Variants in EYS observed in about 807,000 individuals in gnomAD.
The protein encoded by EYS is EGF-like photoreceptor maintenance factor.
EYS carries 250 observed loss-of-function variants against 282.1 expected under a neutral mutation model. The ratio of observed to expected loss-of-function variants is 0.89; its 90% confidence interval spans 0.80 to 0.98. The LOEUF is 0.98. Among genes scored for constraint, EYS ranks in the 50% least tolerant of loss-of-function variants. The pLI is 0.00. For missense variants in EYS, 4,016 were observed against 3,709.0 expected, an observed-to-expected ratio of 1.08 and a Z score of -2.15; for synonymous variants, 1,355 against 1,282.9, an observed-to-expected ratio of 1.06 and a Z score of -1.20.
At chr6:63,813,218 G>A (rs569220437) in intron 36 of EYS, among the ~76,000 whole-genome samples, 64 of 152,200 alleles carry the variant, frequency 4.2e-4, no homozygotes, top group Admixed American at 1.8e-3. Flanking sequence ...GAGCTCGAGC[G>A]ATCTGCCCAC....
intron 31 of EYS, among the ~76,000 whole-genome samples, chr6:64,181,568 A>C (rs1460523097): frequency 6.6e-6 from 1 of 152,122 alleles, no homozygotes; most frequent in Non-Finnish European, 1.5e-5. Flanking sequence ...ATGCAAATGA[A>C]TCACCTTTGA....
chr6:63,725,530 TCTC>T (rs1396518665), intron 42 of EYS, among the ~76,000 whole-genome samples: 1 of 152,140 alleles, frequency 6.6e-6, no homozygotes, highest in Non-Finnish European at 1.5e-5. Context: ...TGTATGTGGT[TCTC>T]CTATTTGACA....
At chr6:64,510,376 ATTGT>A (rs1777346850) in intron 26 of EYS, among the ~76,000 whole-genome samples, 1 of 152,036 alleles carries the variant, frequency 6.6e-6, no homozygotes, top group Admixed American at 6.6e-5. Context: ...ACTATCGCAC[ATTGT>A]TTTTTTAATG....
chr6:63,751,570 C>G (rs561517851), intron 41 of EYS, among the ~76,000 whole-genome samples: 1 of 152,222 alleles, frequency 6.6e-6, no homozygotes, highest in African/African-American at 2.4e-5. Context: ...TGAAGTGTTA[C>G]GACTTTACCT....
At chr6:63,733,221 G>T (rs932467399) in intron 41 of EYS, among the ~76,000 whole-genome samples, 6 of 152,142 alleles carry the variant, frequency 3.9e-5, no homozygotes, top group African/African-American at 7.2e-5. Flanking sequence ...GACTGGGAAG[G>T]TTCTGAGACT....
intron 35 of EYS, among the ~76,000 whole-genome samples, chr6:63,965,384 TA>T (rs1766258948): frequency 6.6e-6 from 1 of 152,204 alleles, no homozygotes; most frequent in South Asian, 2.1e-4. Context: ...TTTCTCACAC[TA>T]ATAGGTAACA....
At chr6:63,799,710 A>G (rs1770737553) in intron 37 of EYS, among the ~76,000 whole-genome samples, 1 of 152,226 alleles carries the variant, frequency 6.6e-6, no homozygotes, top group African/African-American at 2.4e-5. Context: ...TGGTACCTTC[A>G]TATAATTCAA....
chr6:65,279,797 G>T (rs1768165110), intron 12 of EYS, among the ~76,000 whole-genome samples: 1 of 151,996 alleles, frequency 6.6e-6, no homozygotes, highest in African/African-American at 2.4e-5. Flanking sequence ...GTGACATCTT[G>T]ATTGTTTACA....
chr6:64,764,926 A>G (rs531823419), intron 22 of EYS, among the ~76,000 whole-genome samples: 1 of 152,244 alleles, frequency 6.6e-6, no homozygotes, highest in South Asian at 2.1e-4. Context: ...TAATAGAGAT[A>G]TGGTATCTCC....
chr6:64,390,699 C>A (rs1436578909), intron 28 of EYS, among the ~76,000 whole-genome samples: 1 of 150,758 alleles, frequency 6.6e-6, no homozygotes, highest in Admixed American at 6.6e-5. Context: ...AAACTGGAAA[C>A]TCTAAAAAGC....
At chr6:64,253,922 G>T (rs977010526) in intron 30 of EYS, among the ~76,000 whole-genome samples, 1 of 152,120 alleles carries the variant, frequency 6.6e-6, no homozygotes, top group Non-Finnish European at 1.5e-5. Flanking sequence ...TTATGAAGTT[G>T]TGATCTGCTT....
At chr6:65,613,759 A>G (rs1339138848) in intron 2 of EYS, among the ~76,000 whole-genome samples, 1 of 151,922 alleles carries the variant, frequency 6.6e-6, no homozygotes, top group African/African-American at 2.4e-5. Flanking sequence ...ATTATGATGA[A>G]TTATGATAAA....
At position 63,908,003 on chromosome 6, in the gene EYS, CACACAA is replaced by C. The variant is rs1372724781; in HGVS notation, c.7056-43651_7056-43646del. 9.4e-4 allele frequency among the ~76,000 whole-genome samples: 59 copies of C among 62,712 alleles called. 1 individual carries two copies. Among genetic ancestry groups the C allele is most frequent in the Admixed American group, 5.8e-3 (25 of 4,322 alleles). 41.1% of individuals were successfully genotyped at this position (62,712 alleles called of 152,430 possible). A position where few individuals can be genotyped will look rare whatever the true frequency, so the allele number is the denominator to read the frequency against. ...GTATATATGTACACACACACACACA[CACACAA>C]ACGTATATATATATATATATATACG... On this transcript the variant is annotated intron_variant, in intron 35 of 42. Coordinates refer to ENST00000503581, the MANE Select transcript of EYS (RefSeq NM_001142800.2).
intron 41 of EYS, among the ~76,000 whole-genome samples, chr6:63,750,787 C>T (rs965599834): frequency 1.3e-5 from 2 of 152,154 alleles, no homozygotes; most frequent in African/African-American, 2.4e-5. Flanking sequence ...CTTACAATAG[C>T]CTTAGTGCTA....
intron 36 of EYS, among the ~76,000 whole-genome samples, chr6:63,828,621 A>G (rs1771538621): frequency 6.6e-6 from 1 of 152,236 alleles, no homozygotes; most frequent in Admixed American, 6.5e-5. Context: ...AACTCAAATT[A>G]GTAAGAAAAC....
intron 31 of EYS, among the ~76,000 whole-genome samples, chr6:64,223,333 A>G (rs1766158375): frequency 6.6e-6 from 1 of 152,100 alleles, no homozygotes; most frequent in African/African-American, 2.4e-5. Context: ...AATTAAAAGG[A>G]CAATTAGTAA....
chr6:64,049,980 G>A (rs1770753838), intron 33 of EYS, among the ~76,000 whole-genome samples: 1 of 152,120 alleles, frequency 6.6e-6, no homozygotes, highest in South Asian at 2.1e-4. Flanking sequence ...GGCAGACGAT[G>A]AATTTGCAAG....
At chr6:65,638,650 C>T (rs974672827) in intron 2 of EYS, among the ~76,000 whole-genome samples, 2 of 152,186 alleles carry the variant, frequency 1.3e-5, no homozygotes, top group African/African-American at 4.8e-5. Flanking sequence ...GCACCTGTGC[C>T]GGTGCCTGGA....
At chr6:64,750,285 C>A (rs563781133) in intron 22 of EYS, among the ~76,000 whole-genome samples, 13 of 151,838 alleles carry the variant, frequency 8.6e-5, no homozygotes, top group Non-Finnish European at 1.8e-4. Flanking sequence ...TTCCTAGATT[C>A]TTCTATTGGA....
Sources: allele counts gnomAD v4.1 joint callset (sites outside exome capture counted in the v4.1 genomes callset), GRCh38; gene constraint gnomAD v4.1.1; transcripts MANE v1.5; gene names NCBI Gene and HGNC (gene_info 2026-07-23, HGNC 2026-07-21).